PCDH17: variants seen among roughly 807,000 people sequenced by gnomAD.
The protein encoded by PCDH17 is protocadherin 17.
Under a neutral mutation model 67.7 loss-of-function variants are expected in PCDH17, and 21 were observed. The observed-to-expected ratio is 0.31, with a 90% confidence interval of 0.22 to 0.45. The LOEUF (loss-of-function observed/expected upper bound fraction) is 0.45, where lower values mean the gene tolerates loss of function less well. Among genes scored for constraint, PCDH17 ranks in the 20% least tolerant of loss-of-function variants. PCDH17 has a pLI of 1.00. For synonymous variants in PCDH17, 701 were observed against 656.7 expected (o/e 1.07, Z -1.03); for missense variants, 1,471 against 1,564.8 (o/e 0.94, Z 1.01).
intron 1 of PCDH17, among the ~76,000 whole-genome samples, chr13:57,636,794 C>A (rs1009315205): frequency 3.9e-5 from 6 of 151,976 alleles, no homozygotes; most frequent in African/African-American, 1.4e-4. Flanking sequence ...TGTTAAATAC[C>A]TTTCTTATAT....
At chr13:57,686,098 A>G (rs1223153491) in intron 3 of PCDH17, among the ~76,000 whole-genome samples, 1 of 151,712 alleles carries the variant, frequency 6.6e-6, no homozygotes, top group Non-Finnish European at 1.5e-5. Flanking sequence ...CTGAAAAAAA[A>G]AAGTGTTGAA....
chr13:57,657,492 C>T (rs975299987), intron 1 of PCDH17, among the ~76,000 whole-genome samples: 3 of 152,124 alleles, frequency 2.0e-5, no homozygotes, highest in Admixed American at 6.5e-5. Context: ...GCTTAAAATG[C>T]CGTTGCCTAC....
upstream of PCDH17, among the ~76,000 whole-genome samples, chr13:57,631,294 C>G (rs1306336717): frequency 2.0e-5 from 3 of 152,132 alleles, no homozygotes; most frequent in African/African-American, 7.2e-5. Flanking sequence ...CAGCCCAGCC[C>G]TGTGAATGCA....
intron 3 of PCDH17, among the ~76,000 whole-genome samples, chr13:57,674,935 A>G (rs986311527): frequency 3.3e-5 from 5 of 151,934 alleles, no homozygotes; most frequent in Admixed American, 6.6e-5. Context: ...GACAGTTTCC[A>G]TTGAGTCTTC....
intron 3 of PCDH17, among the ~76,000 whole-genome samples, chr13:57,710,459 A>G (rs1222941180): frequency 6.6e-6 from 1 of 151,958 alleles, no homozygotes; most frequent in Admixed American, 6.6e-5. Flanking sequence ...ATTATGCAAT[A>G]CATTTCAATC....
intron 3 of PCDH17, among the ~76,000 whole-genome samples, chr13:57,700,924 G>C (rs2138075136): frequency 6.6e-6 from 1 of 152,130 alleles, no homozygotes; most frequent in South Asian, 2.1e-4. Context: ...AACTACGTCG[G>C]AGGTTGAGGC....
chr13:57,688,898 T>A (rs968059160), intron 3 of PCDH17, among the ~76,000 whole-genome samples: 2 of 152,010 alleles, frequency 1.3e-5, no homozygotes, highest in Non-Finnish European at 2.9e-5. Flanking sequence ...TATGGAGAAG[T>A]TTTGCTATTG....
At chr13:57,649,950 T>C (rs750156668) in intron 1 of PCDH17, among the ~76,000 whole-genome samples, 8 of 152,146 alleles carry the variant, frequency 5.3e-5, no homozygotes, top group Non-Finnish European at 1.2e-4. Flanking sequence ...CCAAGCTGTA[T>C]GTGACAACCT....
chr13:57,703,154 G>A (rs1053900602), intron 3 of PCDH17, among the ~76,000 whole-genome samples: 4 of 152,054 alleles, frequency 2.6e-5, no homozygotes, highest in African/African-American at 9.7e-5. Flanking sequence ...TCCATAAAAG[G>A]CATCTTCTTT....
chr13:57,679,553 G>C (rs1955428592), intron 3 of PCDH17, among the ~76,000 whole-genome samples: 1 of 151,062 alleles, frequency 6.6e-6, no homozygotes, highest in Non-Finnish European at 1.5e-5. Context: ...TCTGACACTG[G>C]GTTTATTTTT....
At chr13:57,690,559 A>T (rs911840215) in intron 3 of PCDH17, among the ~76,000 whole-genome samples, 5 of 151,600 alleles carry the variant, frequency 3.3e-5, no homozygotes, top group African/African-American at 1.2e-4. Context: ...AATATTCATG[A>T]GTCACTATAA....
intron 1 of PCDH17, among the ~76,000 whole-genome samples, chr13:57,653,853 C>T (rs1955071673): frequency 6.6e-6 from 1 of 152,094 alleles, no homozygotes; most frequent in East Asian, 1.9e-4. Flanking sequence ...TCAGGTGTTC[C>T]CATGGCGGTA....
chr13:57,630,368 C>T (rs1343967144), upstream of PCDH17, among the ~76,000 whole-genome samples: 1 of 142,150 alleles, frequency 7.0e-6, no homozygotes, highest in African/African-American at 2.6e-5. Flanking sequence ...AAAAAAAAAA[C>T]CTCCACAACA....
At chr13:57,688,590 T>C (rs1342179684) in intron 3 of PCDH17, among the ~76,000 whole-genome samples, 1 of 152,088 alleles carries the variant, frequency 6.6e-6, no homozygotes, top group Non-Finnish European at 1.5e-5. Flanking sequence ...TTAAAATGTC[T>C]GTTAGGATGT....
intron 3 of PCDH17, among the ~76,000 whole-genome samples, chr13:57,690,274 T>A (rs1955546383): frequency 6.6e-6 from 1 of 151,758 alleles, no homozygotes; most frequent in Non-Finnish European, 1.5e-5. Context: ...CACAAGTGTT[T>A]TTACAAATTA....
intron 3 of PCDH17, among the ~76,000 whole-genome samples, chr13:57,720,267 C>T (rs1401540495): frequency 7.2e-5 from 11 of 151,882 alleles, no homozygotes; most frequent in African/African-American, 2.7e-4. Context: ...TTTCGGGTAT[C>T]TTTATGTCCA....
intron 1 of PCDH17, among the ~76,000 whole-genome samples, chr13:57,662,274 A>G (rs973543563): frequency 6.6e-6 from 1 of 152,190 alleles, no homozygotes; most frequent in Admixed American, 6.5e-5. Context: ...TATTAATTTA[A>G]GAATCATCTT....
At chr13:57,666,616 A>G (rs767392766) in intron 2 of PCDH17, 45 bp from the exon 3 acceptor site, 1 of 1,606,030 alleles carries the variant, frequency 6.2e-7, no homozygotes, top group Non-Finnish European at 8.5e-7. Flanking sequence ...GATTCAAACT[A>G]GTAGAGACAA....
rs1254177384 is a variant in PCDH17 at position 57,632,874 on chromosome 13, G to A, written c.328G>A (p.Ala110Thr). ...AKCQLSLEVF[A>T]NDKEICMIKV... ...GTGCCAGCTGTCCCTCGAGGTGTTC[G>A]CCAACGACAAGGAGATCTGCATGAT... The change falls in exon 1 of 4, where the codon GCC becomes ACC. Residue 110 changes from alanine (A) to threonine (T), a missense_variant. Ala to Thr is a moderately conservative substitution (Grantham distance 58). Transcript: ENST00000377918. 1 of 1,613,862 alleles carries A rather than the reference G, an allele frequency of 6.2e-7. No homozygotes were observed. Among genetic ancestry groups the A allele is most frequent in the Non-Finnish European group, 8.5e-7 (1 of 1,180,020 alleles).
Sources: gnomAD v4.1 joint callset for allele counts (sites outside exome capture counted in the v4.1 genomes callset) on GRCh38, gnomAD v4.1.1 for gene constraint, MANE v1.5 for transcripts, NCBI Gene and HGNC (gene_info 2026-07-23, HGNC 2026-07-21) for gene names.